Variants in TTBK2 observed in about 807,000 individuals in gnomAD.
TTBK2 encodes the protein tau tubulin kinase 2, also known as tau-tubulin kinase 2.
In TTBK2, 28 loss-of-function variants were observed where a neutral mutation model predicts 110.8. That is an observed-to-expected ratio of 0.25 (90% confidence interval 0.19 to 0.35). The LOEUF is 0.35. Among genes scored for constraint, TTBK2 ranks in the 10% least tolerant of loss-of-function variants. The probability of loss-of-function intolerance (pLI) is 1.00; values close to 1 mark genes in which losing one functional copy is unlikely to be tolerated. For synonymous variants in TTBK2, 532 were observed against 527.3 expected, an observed-to-expected ratio of 1.01 and a Z score of -0.12; for missense variants, 1,369 against 1,500.3, an observed-to-expected ratio of 0.91 and a Z score of 1.45.
rs1459369316 is a variant in TTBK2, at chr15:42,742,961, T to C, written c.*2834A>G. 1 of 152,138 alleles carries C rather than the reference T, an allele frequency of 6.6e-6. No homozygotes were observed. Among genetic ancestry groups the C allele is most frequent in the African/African-American group, 2.4e-5 (1 of 41,436 alleles). The allele number at this position is 152,138 out of a possible 1,614,324, so 9.4% of individuals were successfully genotyped here. A position where few individuals can be genotyped will look rare whatever the true frequency, so the allele number is the denominator to read the frequency against. On this transcript the variant is annotated 3_prime_UTR_variant, in exon 15 of 15. Transcript: ENST00000267890. ...TCATACTTTAAAACTAAAATAAAAA[T>C]CCCTGTGTCACAGGTGCTTGCTCAG...
chr15:42,843,549 A>G (rs982995255), intron 3 of TTBK2, among the ~76,000 whole-genome samples: 5 of 152,044 alleles, frequency 3.3e-5, no homozygotes, highest in African/African-American at 1.2e-4. Context: ...TCATGAGTTC[A>G]GGAGTTTGAG....
chr15:42,788,259 A>G (rs1202098734), intron 10 of TTBK2, among the ~76,000 whole-genome samples: 1 of 152,156 alleles, frequency 6.6e-6, no homozygotes, highest in Non-Finnish European at 1.5e-5. Flanking sequence ...TGATCAGATA[A>G]TGTAATACTT....
chr15:42,785,156 G>A (rs892064685), intron 10 of TTBK2, among the ~76,000 whole-genome samples: 11 of 123,532 alleles, frequency 8.9e-5, no homozygotes, highest in Non-Finnish European at 1.1e-4. Context: ...GTCAAGCTCT[G>A]TCTCTCAGGC....
chr15:42,821,699 T>G (rs1174163066), intron 6 of TTBK2, among the ~76,000 whole-genome samples: 4 of 62,996 alleles, frequency 6.3e-5, no homozygotes, highest in African/African-American at 2.7e-4. Context: ...TTTTTTTTGT[T>G]TTTTTTTTTG....
intron 1 of TTBK2, among the ~76,000 whole-genome samples, chr15:42,901,939 G>A (rs1240431490): frequency 6.6e-6 from 1 of 152,190 alleles, no homozygotes; most frequent in East Asian, 1.9e-4. Context: ...ATGAGGGCCA[G>A]GGGCGGTGGC....
rs2061766874 is a variant in TTBK2, at chr15:42,744,311, C to A, written c.*1484G>T. 1 of 151,904 alleles carries A rather than the reference C, an allele frequency of 6.6e-6. No individual in the cohort carries two copies. 9.4% of individuals were successfully genotyped at this position (151,904 alleles called of 1,614,324 possible). A position where few individuals can be genotyped will look rare whatever the true frequency, so the allele number is the denominator to read the frequency against. ...CTTTGATGCAGCATTAGAAGATGTTCACTTGGGGAGGAAATGTATTCCTTT... is the reference window on the plus strand; with the variant it reads ...CTTTGATGCAGCATTAGAAGATGTTAACTTGGGGAGGAAATGTATTCCTTT... On this transcript the variant is annotated 3_prime_UTR_variant, in exon 15 of 15. Coordinates refer to ENST00000267890, the MANE Select transcript of TTBK2 (RefSeq NM_173500.4).
chr15:42,756,865 CA>C (rs200664379), intron 13 of TTBK2, among the ~76,000 whole-genome samples: 95 of 149,460 alleles, frequency 6.4e-4, no homozygotes, highest in African/African-American at 2.2e-3. Flanking sequence ...TACCCCACCT[CA>C]AAAAAAACAA....
intron 3 of TTBK2, among the ~76,000 whole-genome samples, chr15:42,869,598 T>C (rs138007806): frequency 6.6e-6 from 1 of 152,186 alleles, no homozygotes; most frequent in African/African-American, 2.4e-5. Flanking sequence ...ATGACCACCT[T>C]TGCAGTTTCA....
In TTBK2 at chr15:42,743,474, A is replaced by G. The variant is rs1292647040; in HGVS notation, c.*2321T>C. 2 of 152,274 alleles carry G rather than the reference A, an allele frequency of 1.3e-5. No individual in the cohort carries two copies. Among genetic ancestry groups the G allele is most frequent in the Non-Finnish European group, 2.9e-5 (2 of 68,042 alleles). 9.4% of individuals were successfully genotyped at this position (152,274 alleles called of 1,614,324 possible). A position where few individuals can be genotyped will look rare whatever the true frequency, so the allele number is the denominator to read the frequency against. On this transcript the variant is annotated 3_prime_UTR_variant, in exon 15 of 15. Coordinates refer to ENST00000267890, the MANE Select transcript of TTBK2 (RefSeq NM_173500.4). ...ACTAAAGGGGTCAGGATTTAAAGCT[A>G]GCTACTTTTAGCACAATTTAGCTAA...
intron 5 of TTBK2, among the ~76,000 whole-genome samples, chr15:42,828,731 A>C (rs910946090): frequency 3.9e-5 from 6 of 151,902 alleles, no homozygotes; most frequent in Non-Finnish European, 7.4e-5. Flanking sequence ...ACAAAAAAAA[A>C]AAAAAAAGAT....
At chr15:42,762,562 C>T (rs1377848633) in intron 13 of TTBK2, among the ~76,000 whole-genome samples, 2 of 152,030 alleles carry the variant, frequency 1.3e-5, no homozygotes, top group Non-Finnish European at 2.9e-5. Context: ...ACAAAAAATA[C>T]AAAAATTAGC....
chr15:42,807,034 T>C (rs1891498433), intron 9 of TTBK2, among the ~76,000 whole-genome samples: 1 of 152,136 alleles, frequency 6.6e-6, no homozygotes, highest in Non-Finnish European at 1.5e-5. Flanking sequence ...ATCTATGCCC[T>C]CAGAAAAATT....
At chr15:42,798,380 T>A in intron 9 of TTBK2, 1 of 445,334 alleles carries the variant, frequency 2.2e-6, no homozygotes, top group South Asian at 1.6e-5. Context: ...GAAAATCTAG[T>A]ATACATCTGA....
rs71108183 is a variant in TTBK2 at position 42,815,958 on chromosome 15, A to AAAT, written c.603+1073_603+1074insATT. Among the ~76,000 whole-genome samples the AAAT allele has an allele frequency of 1.8e-3, 164 of 91,688 alleles. 10 individuals are homozygous for AAAT. Among genetic ancestry groups the AAAT allele is most frequent in the East Asian group, 9.1e-3 (31 of 3,424 alleles). 60.2% of individuals were successfully genotyped at this position (91,688 alleles called of 152,430 possible). On this transcript the variant is annotated intron_variant, in intron 7 of 14. Coordinates refer to ENST00000267890, the MANE Select transcript of TTBK2 (RefSeq NM_173500.4). ...TATATATATATATATTTAAAAAAAA[A>AAAT]ATATATATATATATATATATTTGAG...
chr15:42,782,495 T>C (rs1890220643), intron 11 of TTBK2, among the ~76,000 whole-genome samples: 1 of 152,226 alleles, frequency 6.6e-6, no homozygotes, highest in Non-Finnish European at 1.5e-5. Flanking sequence ...TGTTCTGTCT[T>C]GTATTATATT....
chr15:42,803,032 C>T (rs1188339801), intron 9 of TTBK2, among the ~76,000 whole-genome samples: 2 of 152,186 alleles, frequency 1.3e-5, no homozygotes, highest in African/African-American at 4.8e-5. Context: ...GCTCTCCCTG[C>T]TCCTCAGCCC....
At chr15:42,862,367 C>A (rs1333957607) in intron 3 of TTBK2, among the ~76,000 whole-genome samples, 1 of 152,124 alleles carries the variant, frequency 6.6e-6, no homozygotes, top group East Asian at 1.9e-4. Context: ...TCCAGCAGCA[C>A]ATCCAAAAGT....
intron 4 of TTBK2, 90 bp downstream of exon 4, chr15:42,840,270 G>T: frequency 2.7e-6 from 3 of 1,116,348 alleles, no homozygotes; most frequent in Non-Finnish European, 4.1e-6. Flanking sequence ...ATGGTACTAA[G>T]ATTGTTGTTA....
chr15:42,874,790 A>G (rs1894750260), intron 2 of TTBK2, among the ~76,000 whole-genome samples: 1 of 151,110 alleles, frequency 6.6e-6, no homozygotes, highest in South Asian at 2.1e-4. Context: ...GTTTGAGAGC[A>G]GCCTGACCAA....
Sources: allele counts gnomAD v4.1 joint callset (sites outside exome capture counted in the v4.1 genomes callset), GRCh38; gene constraint gnomAD v4.1.1; transcripts MANE v1.5; gene names NCBI Gene and HGNC (gene_info 2026-07-23, HGNC 2026-07-21).